The following TMEM242 variants were observed in gnomAD, a reference collection of about 807,000 sequenced individuals.
TMEM242 encodes the protein transmembrane protein 242, also known as UPF0463 transmembrane protein C6orf35.
TMEM242 carries 10 observed loss-of-function variants against 18.2 expected under a neutral mutation model. The ratio of observed to expected loss-of-function variants is 0.55; its 90% CI spans 0.34 to 0.93. The LOEUF (loss-of-function observed/expected upper bound fraction) is 0.93, where lower values mean the gene tolerates loss of function less well. TMEM242 is among the 40% of genes least tolerant of loss of function. The pLI is 0.02. For missense variants in TMEM242, 186 were observed against 175.5 expected (o/e 1.06, Z -0.34); for synonymous variants, 57 against 69.9 (o/e 0.81, Z 0.92).
At chr6:157,316,789 T>C (rs1554250379) in intron 3 of TMEM242, among the ~76,000 whole-genome samples, 1 of 151,998 alleles carries the variant, frequency 6.6e-6, no homozygotes, top group African/African-American at 2.4e-5. Context: ...GGTGGGAAGG[T>C]TGCTCGAGCC....
At chr6:157,314,289 T>C (rs62422774) in intron 3 of TMEM242, among the ~76,000 whole-genome samples, 351 of 10,744 alleles carry the variant, frequency 0.033, no homozygotes, top group Middle Eastern at 0.062. Flanking sequence ...CATCATAGTG[T>C]CGCAGTGTGC....
At chr6:157,303,213 G>GTAAAT (rs1777853314) in intron 3 of TMEM242, among the ~76,000 whole-genome samples, 1 of 152,194 alleles carries the variant, frequency 6.6e-6, no homozygotes, top group Non-Finnish European at 1.5e-5. Flanking sequence ...ATAGGGATTT[G>GTAAAT]GTAAATGTAG....
Position 157,293,007 on chromosome 6 carries a change from A to G in TMEM242, c.328-8T>C. 6 of 1,598,626 alleles carry G rather than the reference A, an allele frequency of 3.8e-6. No individual in the cohort carries two copies. Among genetic ancestry groups the G allele is most frequent in the Non-Finnish European group, 5.1e-6 (6 of 1,166,128 alleles). On this transcript the variant is annotated splice_polypyrimidine_tract_variant and splice_region_variant and intron_variant, in intron 3 of 3. Transcript: ENST00000400788. ...ACTTCGAAAGTCGTTCATCTAAAAG[A>G]AGAAAAATAATCAGTTATCAAATGT...
At chr6:157,293,045 A>T (rs782653153) in intron 3 of TMEM242, 46 bp from the exon 4 acceptor site, 2 of 1,461,402 alleles carry the variant, frequency 1.4e-6, no homozygotes, top group South Asian at 1.1e-5. Flanking sequence ...AAAGAAGGAG[A>T]AAAACAGCTA....
At chr6:157,320,549 C>T (rs1397939725) in intron 2 of TMEM242, among the ~76,000 whole-genome samples, 1 of 152,116 alleles carries the variant, frequency 6.6e-6, no homozygotes, top group Non-Finnish European at 1.5e-5. Flanking sequence ...CAGCTCACTG[C>T]AACCTCCACC....
chr6:157,312,457 C>CCCAGTGTGCGCTCACCTGGCCTCAT (rs1778188751), intron 3 of TMEM242, among the ~76,000 whole-genome samples: 1 of 5,140 alleles, frequency 1.9e-4, no homozygotes, highest in Admixed American at 1.6e-3. Flanking sequence ...CCTCATAGTG[C>CCCAGTGTGCGCTCACCTGGCCTCAT]CCCAGCGTGC....
Position 157,323,506 on chromosome 6 carries a change from GTCGCC to G in TMEM242, c.-12_-8del, listed in dbSNP as rs1170861007. The G allele has an allele frequency of 6.2e-7, 1 of 1,613,162 alleles. No individual in the cohort carries two copies. The highest frequency in any genetic ancestry group is 8.5e-7 in the Non-Finnish European group (1 of 1,179,556). The stretch of plus-strand genomic sequence containing the variant: ...CAGCGCCCGCTGTCTCCATGTTTAG[GTCGCC>G]TCTAGTGCGTCCGTCCCCAACTGGG... On this transcript the variant is annotated 5_prime_UTR_variant, in exon 1 of 4. Coordinates refer to ENST00000400788, the MANE Select transcript of TMEM242 (RefSeq NM_018452.6).
intron 3 of TMEM242, among the ~76,000 whole-genome samples, chr6:157,312,740 GCTCACCT>G (rs1778213975): frequency 4.3e-5 from 1 of 23,418 alleles, no homozygotes; most frequent in Admixed American, 4.8e-4. Context: ...CCCAGTGTGC[GCTCACCT>G]GGCCTCATCT....
chr6:157,322,824 A>T lies in TMEM242; in HGVS notation c.89-19T>A, dbSNP rs1554250826. 6.3e-7 allele frequency: 1 copy of T among 1,593,966 alleles called. No individual in the cohort carries two copies. Among genetic ancestry groups the T allele is most frequent in the South Asian group, 1.1e-5 (1 of 88,988 alleles). ...ATTCCACCTGCCAAGAGTTTCGGGG[A>T]GGAGGGGGGATATTAAAAAAAATTA... On this transcript the variant is annotated intron_variant, in intron 1 of 3. Transcript: ENST00000400788.
Position 157,318,823 on chromosome 6 carries a change from C to T in TMEM242, c.286G>A (p.Val96Met), listed in dbSNP as rs1778448846. ...GSLYAWCGVG[V>M]ISFAVWKALG... Reference sequence around the variant, plus strand: ...GCTTTCCAGACTGCGAAGCTAATCACACCAACCCCACACCATGCATACAGG... The same window carrying T: ...GCTTTCCAGACTGCGAAGCTAATCATACCAACCCCACACCATGCATACAGG... Residue 96 changes from valine to methionine, a missense_variant, in exon 3 of 4, where the codon GTG becomes ATG. Transcript: ENST00000400788. 3.1e-6 allele frequency: 5 copies of T among 1,614,076 alleles called. No homozygotes were observed. In the South Asian group the frequency reaches 3.3e-5, roughly 11 times the overall value.
intron 3 of TMEM242, among the ~76,000 whole-genome samples, chr6:157,310,977 TCCCAGTATGCGCTAACCTAGCCTC>T (rs1562382391): frequency 0.12 from 250 of 2,048 alleles, 9 homozygotes; most frequent in Middle Eastern, 0.25. Context: ...CATCATAGTG[TCCCAGTATGCGCTAACCTAGCCTC>T]CCCAGTGTGC....
intron 3 of TMEM242, among the ~76,000 whole-genome samples, chr6:157,312,993 T>A (rs1583570564): frequency 1.3e-5 from 2 of 151,998 alleles, no homozygotes; most frequent in Non-Finnish European, 2.9e-5. Context: ...CCTAGCCTCA[T>A]CATAGTGTCC....
intron 3 of TMEM242, chr6:157,299,122 G>GGTTTAT: frequency 2.2e-5 from 2 of 89,266 alleles, no homozygotes; most frequent in Admixed American, 2.2e-4. Context: ...TCAGGGGTCA[G>GGTTTAT]CTTTCCCAGG....
intron 2 of TMEM242, among the ~76,000 whole-genome samples, chr6:157,321,846 C>A (rs1357097707): frequency 6.6e-6 from 1 of 152,150 alleles, no homozygotes; most frequent in Non-Finnish European, 1.5e-5. Context: ...ATTTCCACCA[C>A]AAAATATATT....
chr6:157,318,562 ATTAC>A, intron 3 of TMEM242: 1 of 538,718 alleles, frequency 1.9e-6, no homozygotes, highest in Non-Finnish European at 3.2e-6. Flanking sequence ...TAAATTAGTC[ATTAC>A]TTAATTATAT....
At chr6:157,310,554 A>ACG (rs1777998814) in intron 3 of TMEM242, among the ~76,000 whole-genome samples, 1 of 6,220 alleles carries the variant, frequency 1.6e-4, no homozygotes, top group African/African-American at 2.1e-4. Context: ...GCGCTCACCT[A>ACG]GCCTCATCAT....
At chr6:157,312,739 C>T (rs1311158612) in intron 3 of TMEM242, among the ~76,000 whole-genome samples, 17 of 79,018 alleles carry the variant, frequency 2.2e-4, no homozygotes, top group East Asian at 4.1e-4. Context: ...TCCCAGTGTG[C>T]GCTCACCTGG....
intron 3 of TMEM242, among the ~76,000 whole-genome samples, chr6:157,310,486 A>G (rs201302588): frequency 0.037 from 250 of 6,760 alleles, no homozygotes; most frequent in South Asian, 0.15. Context: ...GTGCTCACCT[A>G]GCCTCATCAT....
At chr6:157,317,889 T>C (rs1554250486) in intron 3 of TMEM242, among the ~76,000 whole-genome samples, 1 of 152,166 alleles carries the variant, frequency 6.6e-6, no homozygotes, top group East Asian at 1.9e-4. Context: ...TTTCATCAAC[T>C]TTACCGCTGC....
Sources: allele counts gnomAD v4.1 joint callset (sites outside exome capture counted in the v4.1 genomes callset), GRCh38; gene constraint gnomAD v4.1.1; transcripts MANE v1.5; gene names NCBI Gene and HGNC (gene_info 2026-07-23, HGNC 2026-07-21).